NALF1: variants seen among roughly 807,000 people sequenced by gnomAD.
NALF1 encodes the protein NALCN channel auxiliary factor 1.
NALF1 carries 3 observed loss-of-function variants against 48.4 expected under a neutral mutation model. The observed-to-expected ratio is 0.06, with a 90% CI of 0.03 to 0.16. The LOEUF (loss-of-function observed/expected upper bound fraction) is 0.16, where lower values mean the gene tolerates loss of function less well. Ranked by LOEUF, NALF1 falls within the 10% of genes least tolerant of loss-of-function variation. The pLI, the probability that NALF1 is intolerant of heterozygous loss-of-function variation, is 1.00. For missense variants in NALF1, 526 were observed against 571.5 expected (o/e 0.92, Z 0.81); for synonymous variants, 262 against 245.7 (o/e 1.07, Z -0.62).
chr13:107,758,002 T>A (rs183156690), intron 1 of NALF1, among the ~76,000 whole-genome samples: 7 of 152,298 alleles, frequency 4.6e-5, no homozygotes, highest in Admixed American at 1.3e-4. Flanking sequence ...AGACAGATTA[T>A]CTCTTTATTT....
At chr13:107,265,501 C>A (rs952980222) in intron 1 of NALF1, among the ~76,000 whole-genome samples, 26 of 152,102 alleles carry the variant, frequency 1.7e-4, no homozygotes, top group Admixed American at 8.5e-4. Context: ...CTCACTGCAA[C>A]CTCAGCCTCC....
intron 1 of NALF1, among the ~76,000 whole-genome samples, chr13:107,388,396 T>C (rs1883565698): frequency 6.6e-6 from 1 of 152,214 alleles, no homozygotes; most frequent in African/African-American, 2.4e-5. Context: ...GTAAAAGTAG[T>C]GTGGCCTGGG....
chr13:107,430,356 T>C (rs572944537), intron 1 of NALF1, among the ~76,000 whole-genome samples: 1 of 152,072 alleles, frequency 6.6e-6, no homozygotes, highest in African/African-American at 2.4e-5. Context: ...TTGTTACATA[T>C]GTATACATGT....
intron 1 of NALF1, among the ~76,000 whole-genome samples, chr13:107,592,547 T>TA (rs1566406560): frequency 6.6e-6 from 1 of 152,014 alleles, no homozygotes; most frequent in African/African-American, 2.4e-5. Context: ...TGGCATGTCA[T>TA]AAAAAATTAA....
chr13:107,444,305 T>C (rs1466823080), intron 1 of NALF1, among the ~76,000 whole-genome samples: 1 of 152,194 alleles, frequency 6.6e-6, no homozygotes, highest in East Asian at 1.9e-4. Context: ...TTTGACTTGG[T>C]CTCTTCACCC....
At chr13:107,200,046 TG>T in intron 2 of NALF1, among the ~76,000 whole-genome samples, 1 of 152,352 alleles carries the variant, frequency 6.6e-6, no homozygotes, top group South Asian at 2.1e-4. Context: ...GGCACTTTTT[TG>T]GTGTCCTGTG....
intron 1 of NALF1, among the ~76,000 whole-genome samples, chr13:107,724,290 C>T (rs903980795): frequency 4.6e-5 from 7 of 151,808 alleles, no homozygotes; most frequent in African/African-American, 1.7e-4. Context: ...TTCATGCCTG[C>T]TTCACAATGT....
At chr13:107,813,771 C>T (rs1193540805) in intron 1 of NALF1, among the ~76,000 whole-genome samples, 1 of 152,044 alleles carries the variant, frequency 6.6e-6, no homozygotes, top group East Asian at 1.9e-4. Flanking sequence ...TCCATCAGAC[C>T]TTCCATATAC....
intron 1 of NALF1, among the ~76,000 whole-genome samples, chr13:107,323,106 C>T (rs1882288276): frequency 6.6e-6 from 1 of 152,048 alleles, no homozygotes; most frequent in Non-Finnish European, 1.5e-5. Flanking sequence ...GGAGTATTGA[C>T]AAGCAAGGAC....
intron 1 of NALF1, among the ~76,000 whole-genome samples, chr13:107,369,972 A>C (rs1483076888): frequency 6.6e-6 from 1 of 152,186 alleles, no homozygotes; most frequent in Non-Finnish European, 1.5e-5. Context: ...TTTATTTCTT[A>C]TGAATTCAAA....
At chr13:107,255,163 G>A (rs1880788193) in intron 1 of NALF1, among the ~76,000 whole-genome samples, 1 of 152,154 alleles carries the variant, frequency 6.6e-6, no homozygotes, top group Non-Finnish European at 1.5e-5. Flanking sequence ...AGGACAGATA[G>A]ACAGCTCTCT....
chr13:107,665,514 TAATA>T (rs1437229841), intron 1 of NALF1, among the ~76,000 whole-genome samples: 2 of 152,178 alleles, frequency 1.3e-5, no homozygotes, highest in Non-Finnish European at 2.9e-5. Flanking sequence ...CAGTCCTGTC[TAATA>T]AATATATAGT....
intron 1 of NALF1, among the ~76,000 whole-genome samples, chr13:107,304,568 T>A (rs990215254): frequency 6.6e-6 from 1 of 152,194 alleles, no homozygotes; most frequent in African/African-American, 2.4e-5. Flanking sequence ...ACCATAAATG[T>A]TTAAAATGTG....
intron 1 of NALF1, among the ~76,000 whole-genome samples, chr13:107,515,628 G>A (rs16970447): frequency 0.044 from 6,691 of 152,152 alleles, 305 homozygotes; most frequent in African/African-American, 0.11. Context: ...GTATTCTTAC[G>A]CATGTATTCT....
intron 1 of NALF1, among the ~76,000 whole-genome samples, chr13:107,467,655 G>A (rs1362775847): frequency 6.6e-6 from 1 of 152,006 alleles, no homozygotes; most frequent in African/African-American, 2.4e-5. Context: ...CATTTAGTAG[G>A]GGAAATAGCC....
At chr13:107,613,438 G>A (rs970828878) in intron 1 of NALF1, among the ~76,000 whole-genome samples, 1 of 152,072 alleles carries the variant, frequency 6.6e-6, no homozygotes, top group Non-Finnish European at 1.5e-5. Flanking sequence ...GGTCAACAGT[G>A]GGATATTCAA....
intron 1 of NALF1, among the ~76,000 whole-genome samples, chr13:107,749,494 G>T (rs1215795787): frequency 6.6e-6 from 1 of 151,878 alleles, no homozygotes; most frequent in South Asian, 2.1e-4. Flanking sequence ...TTTTAATACT[G>T]TATTTTATTT....
In NALF1 at chr13:107,866,196, G is replaced by A. The variant is rs774799826; in HGVS notation, c.401C>T (p.Ser134Phe). 6.2e-6 allele frequency: 10 copies of A among 1,603,014 alleles called. No individual in the cohort carries two copies. The highest frequency in any genetic ancestry group is 8.5e-6 in the Non-Finnish European group (10 of 1,175,318). The change falls in exon 1 of 3, where the codon TCC becomes TTC. Residue 134 changes from serine (S) to phenylalanine (F), a missense_variant. Physicochemically the swap from Ser to Phe is radical, Grantham distance 155. Coordinates refer to ENST00000375915, the MANE Select transcript of NALF1 (RefSeq NM_001080396.3). This position sits in a 1 kb window ranked among gnomAD's most constrained non-coding sequence, Gnocchi z 4.4. ...SASSSPTLPPSPGDGGGGGGK... is the reference protein window; with the variant it reads ...SASSSPTLPPFPGDGGGGGGK... ...GCCGCCGCCGCCGCCGTCTCCCGGG[G>A]AGGGGGGCAGGGTGGGGGACGAGGA... is the stretch of plus-strand genomic sequence containing the variant.
chr13:107,821,054 T>C, intron 1 of NALF1, among the ~76,000 whole-genome samples: 1 of 152,238 alleles, frequency 6.6e-6, no homozygotes, highest in Non-Finnish European at 1.5e-5. Flanking sequence ...TCACTGCCTA[T>C]GCCCTTCAGG....
Sources: gnomAD v4.1 joint callset for allele counts (sites outside exome capture counted in the v4.1 genomes callset) on GRCh38, gnomAD v4.1.1 for gene constraint, Gnocchi (gnomAD v3.1) non-coding constraint, MANE v1.5 for transcripts, NCBI Gene and HGNC (gene_info 2026-07-23, HGNC 2026-07-21) for gene names.